RPS24: variants seen among roughly 807,000 people sequenced by gnomAD.
The protein encoded by RPS24 is ribosomal protein S24.
For missense variants in RPS24, 100 were observed against 162.5 expected, an observed-to-expected ratio of 0.62 and a Z score of 2.09; for synonymous variants, 72 against 55.6, an observed-to-expected ratio of 1.30 and a Z score of -1.31.
chr10:78,048,547 C>T (rs1848067470), intron 4 of RPS24, among the ~76,000 whole-genome samples: 1 of 152,132 alleles, frequency 6.6e-6, no homozygotes, highest in Admixed American at 6.5e-5. Context: ...CCTCTGCTGG[C>T]TCCCACCGTC....
exon 5 of RPS24, chr10:78,054,613 C>T (rs1386229776): frequency 1.3e-6 from 2 of 1,551,604 alleles, no homozygotes; most frequent in Admixed American, 2.0e-5. Context: ...AACTCGAAGG[C>T]AAGAGAAAGC....
intron 5 of RPS24, 146 bp downstream of exon 5, chr10:78,040,371 C>CA (rs1421471918): frequency 1.3e-6 from 1 of 774,530 alleles, no homozygotes; most frequent in Non-Finnish European, 2.2e-6. Context: ...AAAATACTAA[C>CA]AGTGACATGG....
chr10:78,040,146 TTAA>T, intron 4 of RPS24, 55 bp from the exon 5 acceptor site: 1 of 1,542,038 alleles, frequency 6.5e-7, no homozygotes, highest in Non-Finnish European at 9.0e-7. Context: ...AAAGGGACTA[TTAA>T]TGAAATCTTT....
rs769107903 is a variant in RPS24, at chr10:78,033,939, C to G, written c.3+35C>G. 14 of 1,613,412 alleles carry G rather than the reference C, an allele frequency of 8.7e-6. 1 individual carries two copies. In the South Asian group the frequency reaches 1.4e-4, roughly 16 times the overall value. On this transcript the variant is annotated intron_variant, in intron 1 of 5. Coordinates refer to ENST00000372360, the MANE Select transcript of RPS24 (RefSeq NM_033022.4). ...CCTGGGCCCGTGCAGTCATCTGCCGCGTATCCGAGCCATCCGTGGTCCCTG... is the reference window on the plus strand; with the variant it reads ...CCTGGGCCCGTGCAGTCATCTGCCGGGTATCCGAGCCATCCGTGGTCCCTG...
chr10:78,046,468 C>T lies in RPS24; in HGVS notation c.391-8063C>T, dbSNP rs144544904. ...CCACCTTCTGGGTTCAAGTGATTCT[C>T]CTGCCTCAGCCTCCATAGTAGCTGG... is the stretch of plus-strand genomic sequence containing the variant. On this transcript the variant is annotated intron_variant, in intron 4 of 4. Coordinates refer to the RPS24 transcript ENST00000440692. Among the ~76,000 whole-genome samples, 583 of 150,102 alleles carry T rather than the reference C, an allele frequency of 3.9e-3. 2 individuals carry two copies. Among genetic ancestry groups the T allele is most frequent in the African/African-American group, 0.012 (466 of 40,282 alleles).
chr10:78,046,240 A>G (rs187448212), intron 4 of RPS24, among the ~76,000 whole-genome samples: 60 of 152,060 alleles, frequency 3.9e-4, no homozygotes, highest in African/African-American at 1.4e-3. Context: ...AAGCTGGCAG[A>G]TGAACAGTAA....
intron 1 of RPS24, 50 bp downstream of exon 1, chr10:78,033,954 C>A (rs750077704): frequency 6.2e-7 from 1 of 1,611,768 alleles, no homozygotes; most frequent in Admixed American, 1.7e-5. Context: ...CCGAGCCATC[C>A]GTGGTCCCTG....
intron 4 of RPS24, 25 bp downstream of exon 4, chr10:78,037,329 G>C: frequency 7.6e-6 from 12 of 1,572,366 alleles, no homozygotes; most frequent in Non-Finnish European, 1.0e-5. Context: ...GGAAAATATA[G>C]AAACGTCATT....
intron 4 of RPS24, among the ~76,000 whole-genome samples, chr10:78,051,250 A>G (rs1589336112): frequency 6.6e-6 from 1 of 151,816 alleles, no homozygotes; most frequent in Non-Finnish European, 1.5e-5. Flanking sequence ...ATTTCCCTCA[A>G]CCTCTGCCCC....
downstream of RPS24, among the ~76,000 whole-genome samples, chr10:78,042,270 C>A (rs2131986987): frequency 1.3e-5 from 2 of 152,314 alleles, no homozygotes; most frequent in Admixed American, 6.5e-5. Context: ...CCTCCTCTAC[C>A]TGCCCTCTGG....
chr10:78,051,147 G>A (rs1324561258), intron 4 of RPS24, among the ~76,000 whole-genome samples: 2 of 152,132 alleles, frequency 1.3e-5, no homozygotes, highest in Non-Finnish European at 2.9e-5. Flanking sequence ...CTGAGATTGC[G>A]CCACTGCACT....
At chr10:78,047,852 G>A (rs1848061589) in intron 4 of RPS24, among the ~76,000 whole-genome samples, 1 of 152,220 alleles carries the variant, frequency 6.6e-6, no homozygotes, top group Admixed American at 6.5e-5. Context: ...ACAGTGCTAT[G>A]CCTCTGTCCT....
intron 4 of RPS24, among the ~76,000 whole-genome samples, chr10:78,047,643 G>C (rs553360604): frequency 8.5e-5 from 13 of 152,346 alleles, no homozygotes; most frequent in African/African-American, 3.1e-4. Flanking sequence ...TAGGGAAGCT[G>C]AACCTGGAGG....
intron 4 of RPS24, among the ~76,000 whole-genome samples, chr10:78,048,574 G>A (rs1848067871): frequency 6.6e-6 from 1 of 152,138 alleles, no homozygotes; most frequent in African/African-American, 2.4e-5. Context: ...GATATTCAGA[G>A]AGTCTGGTTA....
exon 5 of RPS24, chr10:78,055,244 G>A (rs531644670): frequency 4.5e-4 from 212 of 475,514 alleles, no homozygotes; most frequent in African/African-American, 3.8e-3. Context: ...CAGCTCCAGC[G>A]GCTCCTACCA....
chr10:78,040,537 G>A, intron 5 of RPS24, 78 bp from the exon 6 acceptor site: 2 of 1,019,406 alleles, frequency 2.0e-6, no homozygotes, highest in Non-Finnish European at 1.6e-6. Flanking sequence ...GTGCATGAGT[G>A]TTACTACTTT....
At chr10:78,047,496 T>C (rs1304833886) in intron 4 of RPS24, among the ~76,000 whole-genome samples, 1 of 152,132 alleles carries the variant, frequency 6.6e-6, no homozygotes, top group Non-Finnish European at 1.5e-5. Context: ...GTGGAAGCGG[T>C]CTGCTTTGTT....
intron 2 of RPS24, 26 bp downstream of exon 2, chr10:78,035,443 C>T: frequency 6.2e-7 from 1 of 1,613,254 alleles, no homozygotes; most frequent in Non-Finnish European, 8.5e-7. Context: ...TCAATCTTTG[C>T]TTAATTGTCC....
intron 4 of RPS24, among the ~76,000 whole-genome samples, chr10:78,053,692 C>T (rs533079778): frequency 1.4e-3 from 207 of 152,200 alleles, no homozygotes; most frequent in Non-Finnish European, 1.1e-3. Flanking sequence ...GGAACGTCTG[C>T]ACCACAGCCC....
Sources: allele counts gnomAD v4.1 joint callset (sites outside exome capture counted in the v4.1 genomes callset), GRCh38; gene constraint gnomAD v4.1.1; transcripts MANE v1.5; gene names NCBI Gene and HGNC (gene_info 2026-07-23, HGNC 2026-07-21).